The following PRKCH variants were observed in gnomAD, a reference collection of about 807,000 sequenced individuals.
The protein encoded by PRKCH is protein kinase C eta type.
Under a neutral mutation model 82.5 loss-of-function variants are expected in PRKCH, and 28 were observed. That is an observed-to-expected ratio of 0.34 (90% CI 0.25 to 0.47). The LOEUF (loss-of-function observed/expected upper bound fraction) is 0.47, where lower values mean the gene tolerates loss of function less well. Ranked by LOEUF, PRKCH falls within the 20% of genes least tolerant of loss-of-function variation. The probability of loss-of-function intolerance (pLI) is 1.00; values close to 1 mark genes in which losing one functional copy is unlikely to be tolerated. For missense variants in PRKCH, 705 were observed against 881.8 expected (o/e 0.80, Z 2.54); for synonymous variants, 322 against 327.4 (o/e 0.98, Z 0.18).
chr14:61,535,385 A>G (rs1031388142), intron 12 of PRKCH, among the ~76,000 whole-genome samples: 1 of 152,254 alleles, frequency 6.6e-6, no homozygotes, highest in Non-Finnish European at 1.5e-5. Flanking sequence ...CTTTGAAAGC[A>G]TTTATTTAAC....
chr14:61,300,014 T>C (rs1247296706), intron 1 of PRKCH, among the ~76,000 whole-genome samples: 2 of 152,226 alleles, frequency 1.3e-5, no homozygotes, highest in Non-Finnish European at 1.5e-5. Flanking sequence ...CAAAGATCCT[T>C]TCCCCATATG....
intron 2 of PRKCH, among the ~76,000 whole-genome samples, chr14:61,426,618 T>C (rs1008055239): frequency 2.0e-5 from 3 of 152,244 alleles, no homozygotes; most frequent in Admixed American, 2.0e-4. Flanking sequence ...ATTTCTGTTT[T>C]GTTTAGAGTT....
intron 10 of PRKCH, among the ~76,000 whole-genome samples, chr14:61,509,160 T>C (rs774141904): frequency 1.3e-5 from 2 of 152,162 alleles, no homozygotes; most frequent in African/African-American, 2.4e-5. Context: ...TGCCAGAGTT[T>C]GCAGTTTCCA....
At chr14:61,220,925 A>T (rs1306731261) in intron 1 of PRKCH, among the ~76,000 whole-genome samples, 1 of 152,166 alleles carries the variant, frequency 6.6e-6, no homozygotes, top group Non-Finnish European at 1.5e-5. Flanking sequence ...ACGTTCTGGT[A>T]AGTCTCGGGA....
intron 12 of PRKCH, among the ~76,000 whole-genome samples, chr14:61,536,988 A>T (rs912324322): frequency 6.6e-6 from 1 of 152,300 alleles, no homozygotes; most frequent in East Asian, 1.9e-4. Context: ...TGGAGTGCAG[A>T]ATCAGTGGGT....
intron 1 of PRKCH, among the ~76,000 whole-genome samples, chr14:61,292,063 G>T (rs2045367342): frequency 6.6e-6 from 1 of 152,140 alleles, no homozygotes; most frequent in Non-Finnish European, 1.5e-5. Flanking sequence ...CATTTTATCA[G>T]TCAGGAAGTG....
intron 1 of PRKCH, among the ~76,000 whole-genome samples, chr14:61,257,011 C>T (rs574552249): frequency 6.6e-6 from 1 of 152,244 alleles, no homozygotes. Context: ...AAAGTGCTTC[C>T]TCTGTGTATT....
chr14:61,187,946 A>T (rs906595340), intron 1 of PRKCH, among the ~76,000 whole-genome samples: 1 of 152,154 alleles, frequency 6.6e-6, no homozygotes, highest in Non-Finnish European at 1.5e-5. Flanking sequence ...TTATCCAATC[A>T]GTTCATGAAT....
intron 1 of PRKCH, among the ~76,000 whole-genome samples, chr14:61,286,230 T>A (rs552257189): frequency 9.2e-5 from 14 of 152,340 alleles, no homozygotes; most frequent in African/African-American, 3.4e-4. Flanking sequence ...AGAATCAAAT[T>A]AAATTGCTTC....
chr14:61,229,996 G>T lies in PRKCH; in HGVS notation c.-19+42328G>T, dbSNP rs577736221. ...TTTTGTAAGAGTGGGTGTGTTTGTTGTCTTTTTTCCTCTTTAAAAACTTTT... is the reference window on the plus strand; with the variant it reads ...TTTTGTAAGAGTGGGTGTGTTTGTTTTCTTTTTTCCTCTTTAAAAACTTTT... On this transcript the variant is annotated intron_variant, in intron 1 of 3. Transcript: ENST00000555185. Among the ~76,000 whole-genome samples, 36 of 152,236 alleles carry T rather than the reference G, an allele frequency of 2.4e-4. 1 individual carries two copies. Among genetic ancestry groups the T allele is most frequent in the Non-Finnish European group, 4.6e-4 (31 of 68,002 alleles).
At chr14:61,218,419 C>T (rs1361835166) in intron 1 of PRKCH, among the ~76,000 whole-genome samples, 5 of 152,242 alleles carry the variant, frequency 3.3e-5, no homozygotes, top group Middle Eastern at 6.8e-3. Flanking sequence ...GTAAAACATC[C>T]GCCTTCATTG....
rs372852658 is a variant in PRKCH, at chr14:61,454,797, G to A, written c.960+1444G>A. ...CTGCTTCCCAAGCCCATGTCTTACT[G>A]TTGCCTTCCTGGTCAGCGTCTAGAG... On this transcript the variant is annotated intron_variant, in intron 7 of 13. Coordinates refer to ENST00000332981, the MANE Select transcript of PRKCH (RefSeq NM_006255.5). Among the ~76,000 whole-genome samples the A allele has an allele frequency of 2.0e-5, 3 of 152,254 alleles. 1 individual carries two copies. The highest frequency in any genetic ancestry group is 2.0e-4 in the Admixed American group (3 of 15,302).
chr14:61,257,796 C>T (rs961713735), intron 1 of PRKCH, among the ~76,000 whole-genome samples: 1 of 152,134 alleles, frequency 6.6e-6, no homozygotes, highest in African/African-American at 2.4e-5. Context: ...ACCACAAGGA[C>T]ACCTTTTGTA....
chr14:61,417,776 G>T (rs1294768385), intron 2 of PRKCH, among the ~76,000 whole-genome samples: 1 of 152,192 alleles, frequency 6.6e-6, no homozygotes, highest in Non-Finnish European at 1.5e-5. Flanking sequence ...GGAGCCTGTA[G>T]TGTGATTGAA....
At chr14:61,330,687 T>A (rs2045773045) in intron 1 of PRKCH, among the ~76,000 whole-genome samples, 1 of 152,192 alleles carries the variant, frequency 6.6e-6, no homozygotes, top group Non-Finnish European at 1.5e-5. Context: ...AGTGCTGTGG[T>A]GCTCCAGTTT....
At chr14:61,503,553 G>C (rs976613633) in intron 10 of PRKCH, among the ~76,000 whole-genome samples, 1 of 152,102 alleles carries the variant, frequency 6.6e-6, no homozygotes, top group African/African-American at 2.4e-5. Flanking sequence ...TTATTCCTTG[G>C]GGTTTCAGAA....
At chr14:61,383,021 A>G (rs1000936019) in intron 1 of PRKCH, among the ~76,000 whole-genome samples, 5 of 152,224 alleles carry the variant, frequency 3.3e-5, no homozygotes, top group South Asian at 2.1e-4. Context: ...AACCAGTGAT[A>G]TAAGTACTTG....
intron 10 of PRKCH, among the ~76,000 whole-genome samples, chr14:61,495,576 A>G (rs964465583): frequency 6.6e-6 from 1 of 152,224 alleles, no homozygotes; most frequent in African/African-American, 2.4e-5. Context: ...TGAAAAGTCT[A>G]CCCAATGCAA....
At chr14:61,271,407 C>G (rs1011418161) in intron 1 of PRKCH, among the ~76,000 whole-genome samples, 1 of 152,226 alleles carries the variant, frequency 6.6e-6, no homozygotes, top group African/African-American at 2.4e-5. Flanking sequence ...CACCTTCTCA[C>G]GCCTTCAACT....
Sources: gnomAD v4.1 joint callset for allele counts (sites outside exome capture counted in the v4.1 genomes callset) on GRCh38, gnomAD v4.1.1 for gene constraint, MANE v1.5 for transcripts, NCBI Gene and HGNC (gene_info 2026-07-23, HGNC 2026-07-21) for gene names.